VPS53: variants seen among roughly 807,000 people sequenced by gnomAD.
VPS53 encodes vacuolar protein sorting-associated protein 53 homolog.
In VPS53, 70 loss-of-function variants were observed where a neutral mutation model predicts 107.0. The observed-to-expected ratio is 0.65, with a 90% CI of 0.54 to 0.80. The LOEUF is 0.80. VPS53 is among the 30% of genes least tolerant of loss of function. VPS53 has a pLI of 0.00. For synonymous variants in VPS53, 409 were observed against 393.3 expected (o/e 1.04, Z -0.47); for missense variants, 917 against 1,049.4 (o/e 0.87, Z 1.74).
intron 4 of VPS53, among the ~76,000 whole-genome samples, chr17:663,539 G>A (rs1971558717): frequency 6.6e-6 from 1 of 152,202 alleles, no homozygotes; most frequent in Non-Finnish European, 1.5e-5. Context: ...GTACCTGTGA[G>A]TGCCAGCAGC....
At chr17:665,281 G>A (rs912649210) in intron 4 of VPS53, among the ~76,000 whole-genome samples, 3 of 152,130 alleles carry the variant, frequency 2.0e-5, no homozygotes, top group Non-Finnish European at 4.4e-5. Context: ...AGGACGACAT[G>A]GTGAGAAGGC....
chr17:642,563 G>A (rs1351841267), intron 7 of VPS53, among the ~76,000 whole-genome samples: 1 of 149,958 alleles, frequency 6.7e-6, no homozygotes, highest in Non-Finnish European at 1.5e-5. Flanking sequence ...GGAAATCAAG[G>A]ACAACACTCA....
Position 566,714 on chromosome 17 carries a change from A to G in VPS53, c.1314-3969T>C, listed in dbSNP as rs574759793. 2.0e-5 allele frequency among the ~76,000 whole-genome samples: 3 copies of G among 151,880 alleles called. No homozygotes were observed. In the South Asian group the frequency reaches 6.3e-4, roughly 32 times the overall value. On this transcript the variant is annotated intron_variant, in intron 13 of 21. Transcript: ENST00000437048. ...CCAAATCAGGGACCAGAGCTCTGAC[A>G]TGGGTGTTTTTTTTGTTTTTTTTTG... is the stretch of plus-strand genomic sequence containing the variant.
At chr17:538,544 CG>C (rs1314213182) in intron 17 of VPS53, 1 of 152,236 alleles carries the variant, frequency 6.6e-6, no homozygotes, top group African/African-American at 2.4e-5. Flanking sequence ...AGAATCACAT[CG>C]TACGTGGATG....
At chr17:698,831 T>C (rs927282159) in intron 3 of VPS53, among the ~76,000 whole-genome samples, 4 of 152,206 alleles carry the variant, frequency 2.6e-5, no homozygotes, top group African/African-American at 4.8e-5. Flanking sequence ...AATTGAAGAC[T>C]GGCCAAAGCA....
chr17:675,569 T>C (rs1214401793), intron 4 of VPS53: 1 of 151,988 alleles, frequency 6.6e-6, no homozygotes, highest in Non-Finnish European at 1.5e-5. Flanking sequence ...AGGTTGGGTG[T>C]TCGAGACCAG....
chr17:619,778 G>A (rs8064246), intron 11 of VPS53, among the ~76,000 whole-genome samples: 202 of 128,322 alleles, frequency 1.6e-3, no homozygotes, highest in Admixed American at 2.1e-3. Context: ...GCACCACCAC[G>A]CCCCGCTAAT....
At chr17:621,572 T>C (rs1314165109) in intron 11 of VPS53, among the ~76,000 whole-genome samples, 1 of 152,254 alleles carries the variant, frequency 6.6e-6, no homozygotes, top group East Asian at 1.9e-4. Flanking sequence ...ACTGTTAGTC[T>C]TGTAATTTTT....
chr17:667,503 CAAT>C (rs1379727873), intron 4 of VPS53, among the ~76,000 whole-genome samples: 7 of 73,884 alleles, frequency 9.5e-5, no homozygotes, highest in Non-Finnish European at 1.4e-4. Flanking sequence ...CTGGGGGGGG[CAAT>C]GGGTTAATTA....
At chr17:551,847 A>T (rs1035581944) in intron 17 of VPS53, 25 bp downstream of exon 17, 13 of 1,562,126 alleles carry the variant, frequency 8.3e-6, no homozygotes, top group Non-Finnish European at 1.1e-5. Context: ...GTTAGTTTGT[A>T]GGATGCCATT....
At chr17:708,092 T>G (rs1262198790) in intron 2 of VPS53, among the ~76,000 whole-genome samples, 5 of 152,166 alleles carry the variant, frequency 3.3e-5, no homozygotes, top group African/African-American at 4.8e-5. Context: ...GTGGGTTTTC[T>G]CTTCGTGTGC....
intron 11 of VPS53, among the ~76,000 whole-genome samples, chr17:620,005 T>C (rs954627216): frequency 6.6e-6 from 1 of 152,230 alleles, no homozygotes; most frequent in Non-Finnish European, 1.5e-5. Flanking sequence ...TTTTCTGACC[T>C]GCATTTTCTT....
At position 512,266 on chromosome 17, in the gene VPS53, G is replaced by C. The variant is rs1907993511; in HGVS notation, c.*6862C>G. ...ACACACTTCACACTGCCTTATGGCA[G>C]AGCAAGTGCATATAGCCCGGTCTTG... On this transcript the variant is annotated 3_prime_UTR_variant, in exon 22 of 22. Transcript: ENST00000437048. 6.6e-6 allele frequency: 1 copy of C among 152,238 alleles called. No individual in the cohort carries two copies. The allele number at this position is 152,238 out of a possible 1,614,324, so 9.4% of individuals were successfully genotyped here.
Position 628,207 on chromosome 17 carries a change from G to C in VPS53, c.712C>G (p.Leu238Val). The change falls in exon 9 of 22, where the codon CTA (leucine) becomes GTA (valine). Residue 238 changes from leucine (L) to valine (V), a missense_variant. Physicochemically the swap from Leu to Val is conservative, Grantham distance 32 (BLOSUM62 1). Coordinates refer to ENST00000437048, the MANE Select transcript of VPS53 (RefSeq NM_001128159.3). The part of the protein sequence containing the change: ...TKRPGGPSNV[L>V]RDACLVANIL... ...TTAGCAACCAGACATGCATCTCGTA[G>C]AACATTGCTGGGTCCTCCTGGTCTC... is the stretch of plus-strand genomic sequence containing the variant. 1 of 1,613,958 alleles carries C rather than the reference G, an allele frequency of 6.2e-7. No homozygotes were observed. Among genetic ancestry groups the C allele is most frequent in the Non-Finnish European group, 8.5e-7 (1 of 1,179,994 alleles).
At chr17:633,994 A>G (rs1186246721) in intron 7 of VPS53, among the ~76,000 whole-genome samples, 1 of 152,166 alleles carries the variant, frequency 6.6e-6, no homozygotes, top group Non-Finnish European at 1.5e-5. Flanking sequence ...CAGGGAACTT[A>G]TAGTAGGAAC....
intron 19 of VPS53, 62 bp downstream of exon 19, chr17:532,780 A>G: frequency 6.2e-7 from 1 of 1,600,034 alleles, no homozygotes; most frequent in East Asian, 2.2e-5. Context: ...GGACTAGAAG[A>G]ATATGTGCTT....
Position 562,625 on chromosome 17 carries a change from G to A in VPS53, c.1434C>T (p.Tyr478=), listed in dbSNP as rs776736766. The A allele has an allele frequency of 1.2e-6, 2 of 1,613,856 alleles. No homozygotes were observed. The highest frequency in any genetic ancestry group is 3.3e-5 in the Admixed American group (2 of 59,958). ...LPSCADLFVY[Y]KKCMVQCSQL... is the part of the protein sequence containing the mutation. Reference sequence around the variant, plus strand: ...GAGAGCATTGCACCATGCACTTCTTGTAGTAGACAAAGAGGTCGGCGCAGC... The same window carrying A: ...GAGAGCATTGCACCATGCACTTCTTATAGTAGACAAAGAGGTCGGCGCAGC... The change falls in exon 14 of 22, where the codon TAC becomes TAT. Residue 478 remains tyrosine (Y), a synonymous_variant. Coordinates refer to ENST00000437048, the MANE Select transcript of VPS53 (RefSeq NM_001128159.3).
intron 12 of VPS53, among the ~76,000 whole-genome samples, chr17:588,757 T>G (rs749634809): frequency 6.6e-6 from 1 of 152,226 alleles, no homozygotes; most frequent in South Asian, 2.1e-4. Flanking sequence ...CCTGGCTGAT[T>G]GAGCTTGAAT....
intron 8 of VPS53, among the ~76,000 whole-genome samples, chr17:629,029 G>A (rs1037365013): frequency 6.6e-6 from 1 of 152,224 alleles, no homozygotes; most frequent in Non-Finnish European, 1.5e-5. Flanking sequence ...TGGCTAAAAA[G>A]CCATGCATGT....
Sources: allele counts gnomAD v4.1 joint callset (sites outside exome capture counted in the v4.1 genomes callset), GRCh38; gene constraint gnomAD v4.1.1; transcripts MANE v1.5; gene names NCBI Gene and HGNC (gene_info 2026-07-23, HGNC 2026-07-21).